Variants in ABHD17A observed in about 807,000 individuals in gnomAD.
ABHD17A encodes abhydrolase domain containing 17A, depalmitoylase.
Under a neutral mutation model 26.8 loss-of-function variants are expected in ABHD17A, and 10 were observed. The observed-to-expected ratio is 0.37, with a 90% CI of 0.23 to 0.63. The LOEUF (loss-of-function observed/expected upper bound fraction) is 0.63, where lower values mean the gene tolerates loss of function less well. Ranked by LOEUF, ABHD17A falls within the 30% of genes least tolerant of loss-of-function variation. The probability of loss-of-function intolerance (pLI) is 0.61; values close to 1 mark genes in which losing one functional copy is unlikely to be tolerated. For synonymous variants in ABHD17A, 167 were observed against 210.9 expected (o/e 0.79, Z 1.80); for missense variants, 292 against 457.3 (o/e 0.64, Z 3.30).
rs150404538 is a variant in ABHD17A, at chr19:1,881,283, C to T, written c.284G>A (p.Arg95His). Reference sequence around the variant, plus strand: ...ATACATGCAGGAGACGCGGTTGCCGCGGGCGCTCTTGGTGGGGAAGACCTC... The same window carrying T: ...ATACATGCAGGAGACGCGGTTGCCGTGGGCGCTCTTGGTGGGGAAGACCTC... ...TIEVFPTKSA[R>H]GNRVSCMYVR... The change falls in exon 2 of 5, where the codon CGC (arginine) becomes CAC (histidine). Residue 95 changes from arginine (R) to histidine (H), a missense_variant. By Grantham distance (29) the Arg-to-His change is conservative (BLOSUM62 0). Coordinates refer to ENST00000292577, the MANE Select transcript of ABHD17A (RefSeq NM_001130111.2). The T allele has an allele frequency of 3.3e-5, 53 of 1,611,116 alleles. No individual in the cohort carries two copies. The highest frequency in any genetic ancestry group is 2.3e-4 in the Middle Eastern group (1 of 4,432).
chr19:1,881,563 T>G lies in ABHD17A; in HGVS notation c.4A>C (p.Asn2His). ...CAGAGCTCACTCAGCGACAGCCCAT[T>G]CATGGCGGGCGCCGCCCAGGCCGGG... is the stretch of plus-strand genomic sequence containing the variant. The part of the protein sequence containing the change: M[N>H]GLSLSELCCL... The change falls in exon 2 of 5, where the codon AAT becomes CAT. Residue 2 changes from asparagine (N) to histidine (H), a missense_variant. By Grantham distance (68) the Asn-to-His change is moderately conservative (BLOSUM62 1). Transcript: ENST00000292577. 1 of 1,593,702 alleles carries G rather than the reference T, an allele frequency of 6.3e-7. No individual in the cohort carries two copies. Among genetic ancestry groups the G allele is most frequent in the Non-Finnish European group, 8.5e-7 (1 of 1,175,296 alleles).
At chr19:1,882,267 G>A (rs953526818) in intron 1 of ABHD17A, 2 of 152,336 alleles carry the variant, frequency 1.3e-5, no homozygotes, top group Non-Finnish European at 2.9e-5. Flanking sequence ...AGGGACCCAC[G>A]AGGGACCCGA....
rs1193835844 is a variant in ABHD17A at position 1,877,272 on chromosome 19, G to T, written c.861C>A (p.Ile287=). 3.2e-5 allele frequency: 50 copies of T among 1,541,422 alleles called. No homozygotes were observed. Among genetic ancestry groups the T allele is most frequent in the Non-Finnish European group, 4.1e-5 (47 of 1,148,612 alleles). The change falls in exon 5 of 5, where the codon ATC becomes ATA. Residue 287 remains isoleucine (I), a synonymous_variant. Transcript: ENST00000292577. The part of the protein sequence containing the change: ...LWVEGAGHND[I]ELYSQYLERL... ...GCTCCAGGTACTGGCTGTAGAGCTCGATGTCGTTGTGCCCGGCGCCCTCCA... is the reference window on the plus strand; with the variant it reads ...GCTCCAGGTACTGGCTGTAGAGCTCTATGTCGTTGTGCCCGGCGCCCTCCA...
rs539387623 is a variant in ABHD17A, at chr19:1,880,400, G to A, written c.333-285C>T. On this transcript the variant is annotated intron_variant, in intron 2 of 4. Coordinates refer to ENST00000292577, the MANE Select transcript of ABHD17A (RefSeq NM_001130111.2). The surrounding 1 kb of genome is among the most constrained non-coding windows in gnomAD (Gnocchi z 4.1). ...GAGCCTCAGGATTCCCATCTGTGAA[G>A]CGGGACACTGGGACCATCGGTCGCA... Among the ~76,000 whole-genome samples the A allele has an allele frequency of 2.5e-4, 38 of 152,308 alleles. No homozygotes were observed. Among genetic ancestry groups the A allele is most frequent in the African/African-American group, 9.1e-4 (38 of 41,560 alleles).
In ABHD17A at chr19:1,877,124, C is replaced by A. The variant is rs1245574169; in HGVS notation, c.*76G>T. On this transcript the variant is annotated 3_prime_UTR_variant, in exon 5 of 5. Transcript: ENST00000292577. ...GGCCGCCCGGGGGGTCCACATGCAG[C>A]CCCTGGGTGGGGGCCGGCGCGGGGT... The A allele has an allele frequency of 3.5e-6, 5 of 1,433,592 alleles. No homozygotes were observed. The highest frequency in any genetic ancestry group is 2.5e-4 in the Middle Eastern group (1 of 4,076). 88.8% of individuals were successfully genotyped at this position (1,433,592 alleles called of 1,614,324 possible).
rs2012476855 is a variant in ABHD17A at position 1,880,003 on chromosome 19, C to T, written c.445G>A (p.Gly149Ser). ...HCNIFSYDYS[G>S]YGASSGRPSE... ...GGCCTGCCCGAGCTGGCACCGTAGC[C>T]GGAGTAGTCGTAGGAGAAGATGTTG... The change falls in exon 3 of 5, where the codon GGC becomes AGC. Residue 149 changes from glycine (G) to serine (S), a missense_variant. This residue lies in a region of ABHD17A where 171 missense variants were observed against 216.1 expected (regional missense o/e 0.79). Coordinates refer to ENST00000292577, the MANE Select transcript of ABHD17A (RefSeq NM_001130111.2). This position sits in a 1 kb window ranked among gnomAD's most constrained non-coding sequence, Gnocchi z 4.1. The T allele has an allele frequency of 2.5e-6, 4 of 1,613,060 alleles. No homozygotes were observed. The highest frequency in any genetic ancestry group is 3.4e-6 in the Non-Finnish European group (4 of 1,180,016).
At chr19:1,878,028 C>T (rs1039015330) in intron 3 of ABHD17A, 3 of 338,904 alleles carry the variant, frequency 8.9e-6, no homozygotes, top group African/African-American at 6.7e-5. Flanking sequence ...TAGGTGCACA[C>T]TGGGAACTGT....
At chr19:1,885,033 T>C (rs138828571) in intron 1 of ABHD17A, among the ~76,000 whole-genome samples, 2 of 152,214 alleles carry the variant, frequency 1.3e-5, no homozygotes, top group African/African-American at 4.8e-5. Context: ...GCCGAAGCGT[T>C]TGTCGGACTG....
chr19:1,877,488 T>TCCCCGC lies in ABHD17A; in HGVS notation c.707+14_707+19dup. ...CGGCCCGGGCCCCGCCCCGCCCCCG[T>TCCCCGC]CCCCGCCCGGGCCGCTCACTTAGGG... On this transcript the variant is annotated intron_variant, in intron 4 of 4. Transcript: ENST00000292577. 1.3e-6 allele frequency: 2 copies of TCCCCGC among 1,576,190 alleles called. No homozygotes were observed. Among genetic ancestry groups the TCCCCGC allele is most frequent in the East Asian group, 2.3e-5 (1 of 44,178 alleles).
Position 1,881,383 on chromosome 19 carries a change from C to T in ABHD17A, c.184G>A (p.Ala62Thr), listed in dbSNP as rs747896893. Residue 62 changes from alanine (A) to threonine (T), a missense_variant, in exon 2 of 5, where the codon GCA becomes ACA. This residue lies in a region of ABHD17A where 171 missense variants were observed against 216.1 expected (regional missense o/e 0.79). Transcript: ENST00000292577. ...AGGTGCAGCTTCCAGCGCCCGGGTG[C>T]GCCCGAGGAGGCTCTCAGGGTCCCC... ...PLGTLRASSG[A>T]PGRWKLHLTE... 38 of 1,605,832 alleles carry T rather than the reference C, an allele frequency of 2.4e-5. No individual in the cohort carries two copies. The highest frequency in any genetic ancestry group is 9.4e-5 in the African/African-American group (7 of 74,836).
chr19:1,881,808 C>G lies in ABHD17A; in HGVS notation c.-238-4G>C. 1 of 514,832 alleles carries G rather than the reference C, an allele frequency of 1.9e-6. No individual in the cohort carries two copies. The highest frequency in any genetic ancestry group is 3.1e-5 in the South Asian group (1 of 31,810). The allele number at this position is 514,832 out of a possible 1,614,324, so 31.9% of individuals were successfully genotyped here. A position where few individuals can be genotyped will look rare whatever the true frequency, so the allele number is the denominator to read the frequency against. Reference sequence around the variant, plus strand: ...CCATGTCGTGCCGTGGGAAGCCCTGCGGGGGAACAGTGACATGTGGGGTCC... The same window carrying G: ...CCATGTCGTGCCGTGGGAAGCCCTGGGGGGGAACAGTGACATGTGGGGTCC... On this transcript the variant is annotated splice_polypyrimidine_tract_variant and splice_region_variant and intron_variant, in intron 1 of 4. Transcript: ENST00000292577.
chr19:1,884,678 G>A (rs1247779327), intron 1 of ABHD17A, among the ~76,000 whole-genome samples: 2 of 152,110 alleles, frequency 1.3e-5, no homozygotes, highest in African/African-American at 4.8e-5. Context: ...GGACAAGCAG[G>A]AGCAAAATCC....
Position 1,880,127 on chromosome 19 carries a change from C to A in ABHD17A, c.333-12G>T, listed in dbSNP as rs2012482122. The A allele has an allele frequency of 6.2e-7, 1 of 1,612,320 alleles. No homozygotes were observed. The highest frequency in any genetic ancestry group is 1.1e-5 in the South Asian group (1 of 91,056). On this transcript the variant is annotated splice_polypyrimidine_tract_variant and intron_variant, in intron 2 of 4. Coordinates refer to ENST00000292577, the MANE Select transcript of ABHD17A (RefSeq NM_001130111.2). The surrounding 1 kb of genome is among the most constrained non-coding windows in gnomAD (Gnocchi z 4.1). ...AGAGGACCGTGTACCTGGGACAGGC[C>A]GAGAAGGGCCGTTCACATCCTCGCT...
chr19:1,884,961 TG>T (rs1388531398), intron 1 of ABHD17A, among the ~76,000 whole-genome samples: 1 of 152,182 alleles, frequency 6.6e-6, no homozygotes, highest in Non-Finnish European at 1.5e-5. Flanking sequence ...AAACAGCGAC[TG>T]GGAGCTGGTT....
chr19:1,878,950 C>T (rs1383684580), intron 3 of ABHD17A: 1 of 152,266 alleles, frequency 6.6e-6, no homozygotes, highest in East Asian at 1.9e-4. Flanking sequence ...GCAGACAGAG[C>T]TCAGAGCTGG....
At chr19:1,882,971 ACGG>A in intron 1 of ABHD17A, 1 of 152,176 alleles carries the variant, frequency 6.6e-6, no homozygotes, top group African/African-American at 2.4e-5. Context: ...CGCCACAGAC[ACGG>A]CTCGTGGGGA....
rs370424867 is a variant in ABHD17A at position 1,881,809 on chromosome 19, G to A, written c.-238-5C>T. On this transcript the variant is annotated splice_polypyrimidine_tract_variant and splice_region_variant and intron_variant, in intron 1 of 4. Transcript: ENST00000292577. ...CATGTCGTGCCGTGGGAAGCCCTGC[G>A]GGGGAACAGTGACATGTGGGGTCCT... The A allele has an allele frequency of 3.5e-5, 18 of 513,570 alleles. No individual in the cohort carries two copies. In the East Asian group the frequency reaches 3.6e-4, roughly 10 times the overall value. The allele number at this position is 513,570 out of a possible 1,614,324, so 31.8% of individuals were successfully genotyped here.
Position 1,880,859 on chromosome 19 carries a change from G to C in ABHD17A, c.332+376C>G, listed in dbSNP as rs989600854. 2.5e-6 allele frequency: 4 copies of C among 1,611,658 alleles called. No individual in the cohort carries two copies. The African/African-American group carries it at 4.0e-5, about 16-fold the overall frequency. On this transcript the variant is annotated intron_variant, in intron 2 of 4. Transcript: ENST00000292577. The surrounding 1 kb of genome is among the most constrained non-coding windows in gnomAD (Gnocchi z 4.1). ...CACCTAGCCCAGCCAGAAGGTAAAG[G>C]CTCGCCCTCTGGACTCAGATCTGGT...
chr19:1,881,192 A>G (rs368707707), intron 2 of ABHD17A, 43 bp downstream of exon 2: 68 of 1,607,754 alleles, frequency 4.2e-5, no homozygotes, highest in Non-Finnish European at 5.6e-5. Context: ...CGGGAGCCCC[A>G]AGAACAGGGT....
Sources: allele counts gnomAD v4.1 joint callset (sites outside exome capture counted in the v4.1 genomes callset), GRCh38; gene constraint gnomAD v4.1.1; regional missense constraint gnomAD v4.1.1; non-coding constraint Gnocchi (gnomAD v3.1); transcripts MANE v1.5; gene names NCBI Gene and HGNC (gene_info 2026-07-23, HGNC 2026-07-21).